Variants in CCDC149 observed in about 807,000 individuals in gnomAD.
CCDC149 encodes the protein coiled-coil domain containing 149.
In CCDC149, 45 loss-of-function variants were observed where a neutral mutation model predicts 59.9. The ratio of observed to expected loss-of-function variants is 0.75; its 90% CI spans 0.59 to 0.96. CCDC149 has a LOEUF of 0.96. CCDC149 is among the 40% of genes least tolerant of loss of function. The probability of loss-of-function intolerance (pLI) is 0.00; values close to 1 mark genes in which losing one functional copy is unlikely to be tolerated. For missense variants in CCDC149, 584 were observed against 664.7 expected, an observed-to-expected ratio of 0.88 and a Z score of 1.33; for synonymous variants, 245 against 260.6, an observed-to-expected ratio of 0.94 and a Z score of 0.58.
chr4:24,960,729 G>A (rs1272263993), intron 1 of CCDC149, among the ~76,000 whole-genome samples: 1 of 152,024 alleles, frequency 6.6e-6, no homozygotes, highest in African/African-American at 2.4e-5. Flanking sequence ...TTTAAGCTTC[G>A]AATAACAGAG....
chr4:24,973,482 C>G (rs1046620307), intron 1 of CCDC149, among the ~76,000 whole-genome samples: 1 of 152,130 alleles, frequency 6.6e-6, no homozygotes, highest in African/African-American at 2.4e-5. Context: ...TAAAAAAAGT[C>G]TGGAGAAAAA....
intron 12 of CCDC149, among the ~76,000 whole-genome samples, chr4:24,813,527 T>TATATAAAA (rs1405803152): frequency 2.2e-5 from 2 of 91,262 alleles, no homozygotes; most frequent in Admixed American, 1.3e-4. Flanking sequence ...TATATATATA[T>TATATAAAA]AAAACCTAAA....
chr4:24,943,777 G>A (rs1001862296), intron 1 of CCDC149, among the ~76,000 whole-genome samples: 1 of 152,188 alleles, frequency 6.6e-6, no homozygotes, highest in African/African-American at 2.4e-5. Context: ...CTTCTCAAAA[G>A]AAGACATTTA....
chr4:24,929,090 G>C (rs1352765455), intron 1 of CCDC149, among the ~76,000 whole-genome samples: 2 of 152,108 alleles, frequency 1.3e-5, no homozygotes, highest in Non-Finnish European at 2.9e-5. Context: ...TGGAAATCTA[G>C]CCTCTACACC....
upstream of CCDC149, chr4:24,980,152 A>T (rs1284980151): frequency 2.0e-5 from 3 of 152,156 alleles, no homozygotes; most frequent in East Asian, 5.8e-4. Flanking sequence ...GCATTTTGAG[A>T]CTTCCCTAAG....
chr4:24,923,757 G>T (rs1461386135), intron 1 of CCDC149, among the ~76,000 whole-genome samples: 1 of 152,224 alleles, frequency 6.6e-6, no homozygotes, highest in Non-Finnish European at 1.5e-5. Context: ...TCACACAAGT[G>T]CTGGGAACCT....
chr4:24,977,251 G>A (rs571281727), intron 1 of CCDC149, among the ~76,000 whole-genome samples: 5 of 152,156 alleles, frequency 3.3e-5, no homozygotes, highest in Non-Finnish European at 5.9e-5. Context: ...TTGGGAAAGA[G>A]GTATTCTTTT....
intron 4 of CCDC149, among the ~76,000 whole-genome samples, chr4:24,850,684 C>T (rs1717602684): frequency 6.6e-6 from 1 of 152,060 alleles, no homozygotes; most frequent in Non-Finnish European, 1.5e-5. Context: ...GAACTGAATG[C>T]AGAAAGTGAT....
intron 1 of CCDC149, among the ~76,000 whole-genome samples, chr4:24,957,314 C>T (rs1197965781): frequency 2.6e-5 from 4 of 152,242 alleles, no homozygotes; most frequent in African/African-American, 4.8e-5. Flanking sequence ...TAGCACAGAT[C>T]CTCATGTAAT....
intron 8 of CCDC149, among the ~76,000 whole-genome samples, chr4:24,832,857 G>T (rs1327561156): frequency 1.3e-5 from 2 of 152,096 alleles, no homozygotes; most frequent in African/African-American, 4.8e-5. Context: ...TAAAACATCT[G>T]TGACTTTTTC....
intron 1 of CCDC149, among the ~76,000 whole-genome samples, chr4:24,879,472 G>A (rs1045729865): frequency 4.8e-5 from 7 of 147,062 alleles, no homozygotes; most frequent in African/African-American, 1.0e-4. Flanking sequence ...AGCCGAGATC[G>A]CACCATTGCA....
intron 1 of CCDC149, among the ~76,000 whole-genome samples, chr4:24,957,617 G>T (rs1173595616): frequency 6.6e-6 from 1 of 152,104 alleles, no homozygotes; most frequent in Non-Finnish European, 1.5e-5. Context: ...TTACATCACG[G>T]GTTAGCAAAC....
At chr4:24,957,797 T>C (rs148798901) in intron 1 of CCDC149, among the ~76,000 whole-genome samples, 1 of 152,328 alleles carries the variant, frequency 6.6e-6, no homozygotes, top group East Asian at 1.9e-4. Flanking sequence ...TACTATCTGG[T>C]CCTTTACAGA....
chr4:24,918,546 C>G (rs1372318860), intron 1 of CCDC149, among the ~76,000 whole-genome samples: 1 of 152,186 alleles, frequency 6.6e-6, no homozygotes, highest in East Asian at 1.9e-4. Context: ...CTCCCTGGGC[C>G]AGGCCTTGCT....
intron 1 of CCDC149, among the ~76,000 whole-genome samples, chr4:24,890,990 G>A (rs113499566): frequency 6.6e-5 from 10 of 152,330 alleles, no homozygotes; most frequent in Non-Finnish European, 1.0e-4. Flanking sequence ...CTGAATTTCC[G>A]CCTGCAGCAT....
At chr4:24,825,743 G>A (rs555278488) in intron 9 of CCDC149, among the ~76,000 whole-genome samples, 5 of 150,030 alleles carry the variant, frequency 3.3e-5, no homozygotes, top group South Asian at 2.1e-4. Flanking sequence ...ACTGCACTCC[G>A]ACCTGGGCGA....
rs141255565 is a variant in CCDC149, at chr4:24,977,604, AAATACCT to A, written c.-65+2458_-65+2464del. Among the ~76,000 whole-genome samples, 719 of 152,286 alleles carry A rather than the reference AAATACCT, an allele frequency of 4.7e-3. 9 individuals are homozygous for A. Among genetic ancestry groups the A allele is most frequent in the African/African-American group, 0.016 (674 of 41,552 alleles). On this transcript the variant is annotated intron_variant, in intron 1 of 12. Transcript: ENST00000389609. Reference sequence around the variant, plus strand: ...AAAGATGATGTCGTGGACCCAAATGAAATACCTAAGGTGTGGTAGAAGGCGCCCAGCA... The same window carrying A: ...AAAGATGATGTCGTGGACCCAAATGAAAGGTGTGGTAGAAGGCGCCCAGCA...
Position 24,876,626 on chromosome 4 carries a change from G to A in CCDC149, c.135C>T (p.Thr45=). 1.9e-6 allele frequency: 3 copies of A among 1,614,110 alleles called. No homozygotes were observed. The highest frequency in any genetic ancestry group is 2.5e-6 in the Non-Finnish European group (3 of 1,180,008). The change falls in exon 2 of 13, where the codon ACC becomes ACT. Residue 45 remains threonine (T), a synonymous_variant. Transcript: ENST00000635206. ...TGTACTGGTCCCTTTCCTGTTGACAGGTGTCCAGCTCCTTGGAGAGGATCA... is the reference window on the plus strand; with the variant it reads ...TGTACTGGTCCCTTTCCTGTTGACAAGTGTCCAGCTCCTTGGAGAGGATCA...
chr4:24,915,205 G>A (rs866422769), upstream of CCDC149, among the ~76,000 whole-genome samples: 13 of 152,344 alleles, frequency 8.5e-5, no homozygotes, highest in Middle Eastern at 3.4e-3. Context: ...TAAGCCTGAC[G>A]TCTCATGCCT....
Sources: allele counts gnomAD v4.1 joint callset (sites outside exome capture counted in the v4.1 genomes callset), GRCh38; gene constraint gnomAD v4.1.1; transcripts MANE v1.5; gene names NCBI Gene and HGNC (gene_info 2026-07-23, HGNC 2026-07-21).